Variants in LRRCC1 observed in about 807,000 individuals in gnomAD.
LRRCC1 encodes leucine-rich repeat and coiled-coil domain-containing protein 1.
A neutral mutation model predicts 126.0 loss-of-function variants in LRRCC1; 115 were observed. The observed-to-expected ratio is 0.91, with a 90% CI of 0.78 to 1.07. The LOEUF is 1.07. Ranked by LOEUF, LRRCC1 falls within the 50% of genes least tolerant of loss-of-function variation. The probability of loss-of-function intolerance (pLI) is 0.00; values close to 1 mark genes in which losing one functional copy is unlikely to be tolerated. For missense variants in LRRCC1, 1,172 were observed against 1,175.7 expected (o/e 1.00, Z 0.05); for synonymous variants, 400 against 393.4 (o/e 1.02, Z -0.20).
intron 6 of LRRCC1, among the ~76,000 whole-genome samples, chr8:85,121,466 A>G (rs1809547774): frequency 6.6e-6 from 1 of 150,796 alleles, no homozygotes; most frequent in Non-Finnish European, 1.5e-5. Context: ...TTTGAGACGG[A>G]GTTTCATTCT....
intron 3 of LRRCC1, among the ~76,000 whole-genome samples, chr8:85,111,977 C>G (rs969714998): frequency 6.6e-6 from 1 of 151,650 alleles, no homozygotes; most frequent in African/African-American, 2.4e-5. Context: ...ATTCTCCTGT[C>G]AGCCTCCTGA....
In LRRCC1 at chr8:85,126,696, T is replaced by A; in HGVS notation, c.1280T>A (p.Val427Asp). Residue 427 changes from valine to aspartate, a missense_variant, in exon 9 of 19, where the codon GTT becomes GAT. By Grantham distance (152) the Val-to-Asp change is radical. Coordinates refer to ENST00000360375, the MANE Select transcript of LRRCC1 (RefSeq NM_033402.5). ...HSEDNTYQSL[V>D]EQLDQEREKR... ...TTTGTTGTTTTCTTTCAGTCCCTTG[T>A]TGAACAGCTAGACCAAGAGAGAGAG... The A allele has an allele frequency of 2.5e-6, 4 of 1,610,442 alleles. No individual in the cohort carries two copies. Among genetic ancestry groups the A allele is most frequent in the Non-Finnish European group, 3.4e-6 (4 of 1,179,406 alleles).
intron 6 of LRRCC1, among the ~76,000 whole-genome samples, chr8:85,116,500 G>A (rs1056633524): frequency 3.3e-5 from 5 of 151,766 alleles, no homozygotes; most frequent in African/African-American, 4.8e-5. Context: ...AGCCTCCTGC[G>A]TAGCTGGGAC....
chr8:85,134,583 G>A (rs1810721007), intron 12 of LRRCC1, among the ~76,000 whole-genome samples: 1 of 152,154 alleles, frequency 6.6e-6, no homozygotes, highest in Non-Finnish European at 1.5e-5. Context: ...GCCTCCCAAA[G>A]TGCTGAGATT....
In LRRCC1 at chr8:85,107,264, C is replaced by G. The variant is rs368674344; in HGVS notation, c.-32C>G. 9.5e-6 allele frequency: 15 copies of G among 1,583,504 alleles called. No homozygotes were observed. The highest frequency in any genetic ancestry group is 1.1e-5 in the South Asian group (1 of 87,598). Reference sequence around the variant, plus strand: ...AGCTCACGGACCCCTCGCTGGGTGCCGGTTAAGACCCCGCTCCCCGTCGCC... The same window carrying G: ...AGCTCACGGACCCCTCGCTGGGTGCGGGTTAAGACCCCGCTCCCCGTCGCC... On this transcript the variant is annotated 5_prime_UTR_variant, in exon 1 of 19. Coordinates refer to ENST00000360375, the MANE Select transcript of LRRCC1 (RefSeq NM_033402.5).
chr8:85,144,470 ATATATTTTT>A (rs1563963649), intron 18 of LRRCC1, among the ~76,000 whole-genome samples: 6 of 18,024 alleles, frequency 3.3e-4, no homozygotes, highest in African/African-American at 6.6e-4. Context: ...ATATATATAT[ATATATTTTT>A]TTTTTTTTTG....
rs200856387 is a variant in LRRCC1 at position 85,130,014 on chromosome 8, G to A, written c.1722G>A (p.Ala574=). 5.8e-5 allele frequency: 93 copies of A among 1,597,342 alleles called. No homozygotes were observed. Among genetic ancestry groups the A allele is most frequent in the East Asian group, 1.2e-4 (5 of 43,376 alleles). Residue 574 remains alanine (A), a synonymous_variant, in exon 11 of 19, where the codon GCG becomes GCA. Coordinates refer to ENST00000360375, the MANE Select transcript of LRRCC1 (RefSeq NM_033402.5). The part of the protein sequence containing the change: ...RTSLHREREQ[A]QQLHQLLALK... ...CCCTTCATCGAGAAAGAGAACAAGC[G>A]CAACAACTTCATCAACTTCTTGCAT...
Position 85,110,127 on chromosome 8 carries a change from T to C in LRRCC1, c.323T>C (p.Leu108Pro). The C allele has an allele frequency of 7.9e-7, 1 of 1,258,434 alleles. No homozygotes were observed. 78.0% of individuals were successfully genotyped at this position (1,258,434 alleles called of 1,614,324 possible). The change falls in exon 3 of 19, where the codon CTA becomes CCA. Residue 108 changes from leucine (L) to proline (P), a missense_variant. Physicochemically the swap from Leu to Pro is moderately conservative, Grantham distance 98. Transcript: ENST00000360375. Reference protein sequence around the residue: ...LITKVEGLEELINLTRLNVSY... With the variant: ...LITKVEGLEEPINLTRLNVSY... ...TTTTTTTTTTTAGGACTTGAAGAAC[T>C]AATTAATCTGACTAGACTAAATGTA...
Position 85,141,365 on chromosome 8 carries a change from G to A in LRRCC1, c.2841-17G>A, listed in dbSNP as rs1811237283. 1 of 1,603,362 alleles carries A rather than the reference G, an allele frequency of 6.2e-7. No homozygotes were observed. Among genetic ancestry groups the A allele is most frequent in the African/African-American group, 1.3e-5 (1 of 74,678 alleles). The stretch of plus-strand genomic sequence containing the variant: ...CACATATACACATATATATGTGGAT[G>A]TTCTTGTTTTTTTAAGGAATGCAAT... On this transcript the variant is annotated splice_polypyrimidine_tract_variant and intron_variant, in intron 17 of 18. Coordinates refer to ENST00000360375, the MANE Select transcript of LRRCC1 (RefSeq NM_033402.5).
intron 2 of LRRCC1, 121 bp from the exon 3 acceptor site, chr8:85,109,994 T>G: frequency 1.6e-6 from 1 of 609,182 alleles, no homozygotes. Context: ...AAAATTGATT[T>G]CGCTGTTACC....
In LRRCC1 at chr8:85,137,013, G is replaced by C. The variant is rs548925511; in HGVS notation, c.2330-451G>C. Among the ~76,000 whole-genome samples the C allele has an allele frequency of 6.6e-5, 10 of 152,148 alleles. No individual in the cohort carries two copies. The East Asian group carries it at 1.9e-3, about 29-fold the overall frequency. On this transcript the variant is annotated intron_variant, in intron 14 of 18. Coordinates refer to ENST00000360375, the MANE Select transcript of LRRCC1 (RefSeq NM_033402.5). ...CTAATTTTTTTGTATTTTTAGTAGA[G>C]ACAGGGTTTCACCATGTTGGCCAGG...
At chr8:85,108,277 C>T (rs533808893) in intron 1 of LRRCC1, among the ~76,000 whole-genome samples, 1 of 152,324 alleles carries the variant, frequency 6.6e-6, no homozygotes, top group African/African-American at 2.4e-5. Flanking sequence ...GTTCAAGGGA[C>T]ATTTTACATT....
At position 85,115,583 on chromosome 8, in the gene LRRCC1, A is replaced by C. The variant is rs749648606; in HGVS notation, c.929A>C (p.Glu310Ala). 2 of 1,570,994 alleles carry C rather than the reference A, an allele frequency of 1.3e-6. No homozygotes were observed. The highest frequency in any genetic ancestry group is 1.7e-6 in the Non-Finnish European group (2 of 1,144,854). The change falls in exon 6 of 19, where the codon GAA becomes GCA. Residue 310 changes from glutamate (E) to alanine (A), a missense_variant and splice_region_variant. Transcript: ENST00000360375. ...GACCAAATTCTACAACTTCTAAATG[A>C]AGTAACTATTTTTCCTACTTCTCTA... ...LDDQILQLLN[E>A]TSNSIDNVLE...
At chr8:85,130,716 T>C (rs1810403704) in intron 11 of LRRCC1, among the ~76,000 whole-genome samples, 1 of 152,192 alleles carries the variant, frequency 6.6e-6, no homozygotes, top group Non-Finnish European at 1.5e-5. Flanking sequence ...AATTAGTAAA[T>C]TAATCAGTAT....
At chr8:85,130,679 A>G (rs918487739) in intron 11 of LRRCC1, among the ~76,000 whole-genome samples, 3 of 152,140 alleles carry the variant, frequency 2.0e-5, no homozygotes, top group African/African-American at 7.2e-5. Flanking sequence ...ATAGAGAGAA[A>G]ATTTTTAATT....
rs1483262159 is a variant in LRRCC1 at position 85,145,544 on chromosome 8, C to A, written c.*33C>A. On this transcript the variant is annotated 3_prime_UTR_variant, in exon 19 of 19. Coordinates refer to ENST00000360375, the MANE Select transcript of LRRCC1 (RefSeq NM_033402.5). ...GAGAATGAATTTAATTGAAATAGAC[C>A]AGCAGACCTATTGTAAAAATGATTA... is the stretch of plus-strand genomic sequence containing the variant. 1.3e-6 allele frequency: 2 copies of A among 1,531,684 alleles called. No individual in the cohort carries two copies. The highest frequency in any genetic ancestry group is 1.7e-6 in the Non-Finnish European group (2 of 1,145,548). The allele number at this position is 1,531,684 out of a possible 1,614,324, so 94.9% of individuals were successfully genotyped here. A position where few individuals can be genotyped will look rare whatever the true frequency, so the allele number is the denominator to read the frequency against.
At chr8:85,141,607 G>T in intron 18 of LRRCC1, 90 bp downstream of exon 18, 4 of 1,020,990 alleles carry the variant, frequency 3.9e-6, no homozygotes, top group South Asian at 3.7e-5. Context: ...AAGAGAAAAG[G>T]CAACATGATC....
At position 85,121,067 on chromosome 8, in the gene LRRCC1, G is replaced by A. The variant is rs529316404; in HGVS notation, c.931-2346G>A. Among the ~76,000 whole-genome samples the A allele has an allele frequency of 2.0e-5, 3 of 152,294 alleles. No individual in the cohort carries two copies. In the South Asian group the frequency reaches 6.2e-4, roughly 32 times the overall value. ...ACATCTTCAGCAGCAGTATATGAAG[G>A]TTCAGTTTTTCCACATCCTTGCTAT... On this transcript the variant is annotated intron_variant, in intron 6 of 18. Transcript: ENST00000360375.
In LRRCC1 at chr8:85,145,570, A is replaced by T. The variant is rs904347265; in HGVS notation, c.*59A>T. 143 of 1,403,166 alleles carry T rather than the reference A, an allele frequency of 1.0e-4. No homozygotes were observed. Among genetic ancestry groups the T allele is most frequent in the Non-Finnish European group, 6.2e-5 (65 of 1,043,114 alleles). The allele number at this position is 1,403,166 out of a possible 1,614,324, so 86.9% of individuals were successfully genotyped here. On this transcript the variant is annotated 3_prime_UTR_variant, in exon 19 of 19. Transcript: ENST00000360375. ...AGCAGACCTATTGTAAAAATGATTA[A>T]ATATTGTAATAGTAGTAACTGCTAT...
Sources: gnomAD v4.1 joint callset for allele counts (sites outside exome capture counted in the v4.1 genomes callset) on GRCh38, gnomAD v4.1.1 for gene constraint, MANE v1.5 for transcripts, NCBI Gene and HGNC (gene_info 2026-07-23, HGNC 2026-07-21) for gene names.